Variants in FER observed in about 807,000 individuals in gnomAD.
FER encodes FER tyrosine kinase, also known as tyrosine-protein kinase Fer.
Under a neutral mutation model 111.0 loss-of-function variants are expected in FER, and 63 were observed. That is an observed-to-expected ratio of 0.57 (90% CI 0.46 to 0.70). The LOEUF (loss-of-function observed/expected upper bound fraction) is 0.70. FER is among the 30% of genes least tolerant of loss of function. The pLI is 0.00. For synonymous variants in FER, 327 were observed against 313.9 expected, an observed-to-expected ratio of 1.04 and a Z score of -0.44; for missense variants, 914 against 954.0, an observed-to-expected ratio of 0.96 and a Z score of 0.55.
At chr5:109,097,669 TTG>T (rs1182305286) in intron 16 of FER, among the ~76,000 whole-genome samples, 1 of 151,878 alleles carries the variant, frequency 6.6e-6, no homozygotes, top group Admixed American at 6.6e-5. Flanking sequence ...AGCCTTCAGT[TTG>T]TCACTTAGTG....
chr5:109,043,837 GGTGT>G (rs1771547117), intron 14 of FER, among the ~76,000 whole-genome samples: 4 of 152,012 alleles, frequency 2.6e-5, no homozygotes, highest in Non-Finnish European at 5.9e-5. Flanking sequence ...TGGGTGTGGT[GGTGT>G]GCGCCTGTAG....
chr5:109,007,751 T>C (rs779435798), intron 13 of FER, among the ~76,000 whole-genome samples: 1 of 152,200 alleles, frequency 6.6e-6, no homozygotes, highest in Non-Finnish European at 1.5e-5. Flanking sequence ...CAACATTAAC[T>C]TTTCATTTAT....
intron 8 of FER, among the ~76,000 whole-genome samples, chr5:108,875,350 T>C (rs1333464950): frequency 1.3e-5 from 2 of 152,068 alleles, no homozygotes; most frequent in Non-Finnish European, 2.9e-5. Context: ...GTATCTATTA[T>C]ATATAATATA....
intron 13 of FER, among the ~76,000 whole-genome samples, chr5:108,970,356 C>T (rs1302199344): frequency 2.0e-5 from 3 of 152,044 alleles, no homozygotes; most frequent in Admixed American, 1.3e-4. Flanking sequence ...GCTGGGACTA[C>T]AGGCGTCTGC....
chr5:108,937,552 C>T (rs1272336653), intron 10 of FER, among the ~76,000 whole-genome samples: 1 of 151,888 alleles, frequency 6.6e-6, no homozygotes, highest in Non-Finnish European at 1.5e-5. Flanking sequence ...AACCTGGAAT[C>T]AGTAGAGCCT....
intron 15 of FER, among the ~76,000 whole-genome samples, chr5:109,045,156 G>T (rs1190198852): frequency 2.6e-5 from 4 of 151,780 alleles, no homozygotes; most frequent in Admixed American, 6.6e-5. Flanking sequence ...AATTACATCT[G>T]TCCTACCCTC....
At chr5:108,861,824 A>G (rs1292449882) in intron 5 of FER, among the ~76,000 whole-genome samples, 1 of 152,222 alleles carries the variant, frequency 6.6e-6, no homozygotes, top group Non-Finnish European at 1.5e-5. Context: ...TTTATATGGT[A>G]TTAACATTTC....
At chr5:108,900,437 A>G (rs1280365039) in intron 10 of FER, among the ~76,000 whole-genome samples, 2 of 152,266 alleles carry the variant, frequency 1.3e-5, no homozygotes, top group Non-Finnish European at 2.9e-5. Context: ...GAATAATGTT[A>G]CAAGAAAAGC....
intron 10 of FER, among the ~76,000 whole-genome samples, chr5:108,922,363 T>C (rs1394626001): frequency 6.6e-6 from 1 of 152,196 alleles, no homozygotes; most frequent in African/African-American, 2.4e-5. Context: ...CCTAGTGAGG[T>C]ATCTAGATGA....
chr5:109,012,583 C>T (rs1393076873), intron 13 of FER, among the ~76,000 whole-genome samples: 2 of 151,958 alleles, frequency 1.3e-5, no homozygotes, highest in Non-Finnish European at 2.9e-5. Flanking sequence ...AAAGCCTTTC[C>T]AAAAATTTGA....
Position 108,820,733 on chromosome 5 carries a change from A to C in FER, c.208-12037A>C, listed in dbSNP as rs138623144. 3.6e-3 allele frequency among the ~76,000 whole-genome samples: 547 copies of C among 152,304 alleles called. 3 individuals carry two copies. The highest frequency in any genetic ancestry group is 0.012 in the African/African-American group (508 of 41,552). ...TTGATTATATTGGTTTTATTTAAAA[A>C]ATTTAGTCTTTGTCCACATATTATT... On this transcript the variant is annotated intron_variant, in intron 3 of 19. Coordinates refer to ENST00000281092, the MANE Select transcript of FER (RefSeq NM_005246.4).
chr5:108,762,594 A>G (rs1241652300), intron 1 of FER, among the ~76,000 whole-genome samples: 1 of 152,210 alleles, frequency 6.6e-6, no homozygotes, highest in African/African-American at 2.4e-5. Flanking sequence ...AAAATGAGCT[A>G]TAGTTTCATG....
At chr5:109,029,514 C>G (rs904280461) in intron 13 of FER, among the ~76,000 whole-genome samples, 6 of 146,332 alleles carry the variant, frequency 4.1e-5, no homozygotes, top group African/African-American at 1.5e-4. Flanking sequence ...TGAAGCAATC[C>G]TCCTGCCTCG....
chr5:108,837,441 T>C (rs1760783912), intron 5 of FER, among the ~76,000 whole-genome samples: 1 of 152,200 alleles, frequency 6.6e-6, no homozygotes, highest in South Asian at 2.1e-4. Flanking sequence ...TACTTCTTAA[T>C]CTGTCAAAAT....
At chr5:108,886,390 T>TTA (rs904810989) in intron 9 of FER, among the ~76,000 whole-genome samples, 25 of 148,330 alleles carry the variant, frequency 1.7e-4, no homozygotes, top group South Asian at 4.2e-4. Context: ...TGCTGGGTAT[T>TTA]TATATATATA....
chr5:108,967,881 G>A (rs917509341), intron 13 of FER, among the ~76,000 whole-genome samples: 2 of 151,460 alleles, frequency 1.3e-5, no homozygotes, highest in South Asian at 4.2e-4. Context: ...AGTTTGACTT[G>A]TGGCTTGGCT....
intron 5 of FER, among the ~76,000 whole-genome samples, chr5:108,837,241 A>G (rs1173378970): frequency 6.6e-6 from 1 of 152,170 alleles, no homozygotes; most frequent in Non-Finnish European, 1.5e-5. Flanking sequence ...AGAAATATTT[A>G]CTGGGCACTT....
In FER at chr5:109,131,292, A is replaced by G. The variant is rs953561441; in HGVS notation, c.2048+30773A>G. 2.1e-4 allele frequency among the ~76,000 whole-genome samples: 32 copies of G among 152,222 alleles called. 1 individual carries two copies. Among genetic ancestry groups the G allele is most frequent in the African/African-American group, 7.5e-4 (31 of 41,556 alleles). On this transcript the variant is annotated intron_variant, in intron 17 of 19. Transcript: ENST00000281092. ...CTGATTGCTGATTTTATTTTTAAAG[A>G]TCTCTAAGGATTAGAGATTTATCAG... is the stretch of plus-strand genomic sequence containing the variant.
At chr5:108,764,181 A>G (rs1752057232) in intron 1 of FER, among the ~76,000 whole-genome samples, 1 of 152,192 alleles carries the variant, frequency 6.6e-6, no homozygotes, top group Non-Finnish European at 1.5e-5. Flanking sequence ...GAAAATTAAG[A>G]TGCTGCTACC....
Sources: allele counts gnomAD v4.1 joint callset (sites outside exome capture counted in the v4.1 genomes callset), GRCh38; gene constraint gnomAD v4.1.1; transcripts MANE v1.5; gene names NCBI Gene and HGNC (gene_info 2026-07-23, HGNC 2026-07-21).